EXD3: variants seen among roughly 807,000 people sequenced by gnomAD.
EXD3 encodes the protein exonuclease 3'-5' domain containing 3.
Under a neutral mutation model 98.0 loss-of-function variants are expected in EXD3, and 92 were observed. The ratio of observed to expected loss-of-function variants is 0.94; its 90% CI spans 0.79 to 1.12. The LOEUF (loss-of-function observed/expected upper bound fraction) is 1.12, where lower values mean the gene tolerates loss of function less well. Ranked by LOEUF, EXD3 falls within the 50% of genes most tolerant of loss-of-function variation. The pLI is 0.00. For missense variants in EXD3, 1,222 were observed against 1,191.6 expected, an observed-to-expected ratio of 1.03 and a Z score of -0.38; for synonymous variants, 569 against 526.0, an observed-to-expected ratio of 1.08 and a Z score of -1.12.
At chr9:137,320,878 C>T (rs1389678973) in intron 19 of EXD3, among the ~76,000 whole-genome samples, 1 of 152,228 alleles carries the variant, frequency 6.6e-6, no homozygotes, top group African/African-American at 2.4e-5. Flanking sequence ...CCAGGCGTCC[C>T]GGACATCCTG....
At chr9:137,389,306 G>A (rs1279342220) in intron 2 of EXD3, among the ~76,000 whole-genome samples, 1 of 149,560 alleles carries the variant, frequency 6.7e-6, no homozygotes, top group Admixed American at 6.7e-5. Context: ...GAGGTGAAGG[G>A]GCTCCCGGAG....
intron 1 of EXD3, among the ~76,000 whole-genome samples, chr9:137,400,228 G>A (rs1837414382): frequency 6.6e-6 from 1 of 151,976 alleles, no homozygotes; most frequent in Admixed American, 6.6e-5. Flanking sequence ...GATTTGGGTG[G>A]GGACACAGCC....
At chr9:137,353,808 AC>A in intron 10 of EXD3, 1 of 985,956 alleles carries the variant, frequency 1.0e-6, no homozygotes, top group Non-Finnish European at 1.2e-6. Flanking sequence ...ACGACCTCCC[AC>A]CCCACGGCCT....
At chr9:137,388,852 C>T (rs1007908054) in intron 2 of EXD3, among the ~76,000 whole-genome samples, 2 of 152,202 alleles carry the variant, frequency 1.3e-5, no homozygotes, top group Admixed American at 1.3e-4. Flanking sequence ...CCAGACCAGA[C>T]CCCACGCGCT....
chr9:137,353,678 G>C, intron 10 of EXD3: 1 of 985,740 alleles, frequency 1.0e-6, no homozygotes, highest in Non-Finnish European at 1.2e-6. Context: ...GCTGGGAAAT[G>C]CAGGGCCCAG....
chr9:137,341,167 A>G (rs1833638767), intron 17 of EXD3, among the ~76,000 whole-genome samples: 1 of 152,180 alleles, frequency 6.6e-6, no homozygotes, highest in Admixed American at 6.5e-5. Context: ...CATTTTAAAC[A>G]TTAGCTGGGT....
At position 137,401,479 on chromosome 9, in the gene EXD3, C is replaced by A. The variant is rs148044600; in HGVS notation, c.-47-6075G>T. ...CCCCACCCATTTCCCTTCTGCACTG[C>A]CCTAGCAGAGGTTCTCCATGAGGGC... On this transcript the variant is annotated intron_variant, in intron 1 of 21. Coordinates refer to ENST00000340951, the MANE Select transcript of EXD3 (RefSeq NM_017820.5). 8.3e-3 allele frequency among the ~76,000 whole-genome samples: 1,261 copies of A among 152,280 alleles called. 15 individuals are homozygous for A. The highest frequency in any genetic ancestry group is 0.026 in the South Asian group (125 of 4,826).
At chr9:137,358,861 T>C (rs1384114493) in intron 7 of EXD3, among the ~76,000 whole-genome samples, 2 of 151,620 alleles carry the variant, frequency 1.3e-5, no homozygotes, top group South Asian at 2.1e-4. Flanking sequence ...AATTTTTGTA[T>C]TTTTTGTAGA....
chr9:137,374,554 C>T, intron 3 of EXD3: 1 of 985,466 alleles, frequency 1.0e-6, no homozygotes, highest in Non-Finnish European at 1.2e-6. Context: ...ACAAAAGGCT[C>T]CCAGCACCTG....
rs1268522871 is a variant in EXD3 at position 137,371,194 on chromosome 9, G to A, written c.462+1711C>T. Among the ~76,000 whole-genome samples, 2 of 152,208 alleles carry A rather than the reference G, an allele frequency of 1.3e-5. No individual in the cohort carries two copies. The highest frequency in any genetic ancestry group is 2.9e-5 in the Non-Finnish European group (2 of 68,028). On this transcript the variant is annotated intron_variant, in intron 5 of 21. Coordinates refer to ENST00000340951, the MANE Select transcript of EXD3 (RefSeq NM_017820.5). The surrounding 1 kb of genome is among the most constrained non-coding windows in gnomAD (Gnocchi z 8.0). ...AAGGCTCTGTAACAGAAGACGGCCC[G>A]AAACACTAGCCTGCCTTCTGCCTCC...
intron 1 of EXD3, among the ~76,000 whole-genome samples, chr9:137,418,893 T>A (rs1588449010): frequency 6.6e-6 from 1 of 152,178 alleles, no homozygotes; most frequent in East Asian, 1.9e-4. Context: ...GTTTGGGAAA[T>A]CTCTGAATTA....
At chr9:137,409,244 C>T (rs1470486970) in intron 1 of EXD3, among the ~76,000 whole-genome samples, 1 of 152,202 alleles carries the variant, frequency 6.6e-6, no homozygotes, top group Non-Finnish European at 1.5e-5. Context: ...CATGGCTGCC[C>T]CGAGCCGCCT....
At chr9:137,348,373 G>T in intron 16 of EXD3, 135 bp from the exon 17 acceptor site, 1 of 1,099,656 alleles carries the variant, frequency 9.1e-7, no homozygotes, top group Non-Finnish European at 1.3e-6. Context: ...TGTGTGTGCT[G>T]TGCATAAAAC....
chr9:137,318,640 C>T (rs979981473), intron 19 of EXD3, among the ~76,000 whole-genome samples: 18 of 152,070 alleles, frequency 1.2e-4, no homozygotes, highest in Non-Finnish European at 2.2e-4. Flanking sequence ...CCAGAGGGCA[C>T]GGCCCTGCCC....
In EXD3 at chr9:137,331,840, C is replaced by T. The variant is rs537726393; in HGVS notation, c.1999-7697G>A. Among the ~76,000 whole-genome samples, 13 of 152,146 alleles carry T rather than the reference C, an allele frequency of 8.5e-5. 1 individual carries two copies. The highest frequency in any genetic ancestry group is 4.1e-4 in the South Asian group (2 of 4,824). On this transcript the variant is annotated intron_variant, in intron 17 of 21. Transcript: ENST00000340951. ...CTGAGGCAGGAGAATTGCTTGAACC[C>T]GGGAGGTGGATGTTGCAGTGAGCCG...
intron 1 of EXD3, among the ~76,000 whole-genome samples, chr9:137,418,345 T>C (rs58858935): frequency 0.018 from 2,800 of 152,298 alleles, 75 homozygotes; most frequent in African/African-American, 0.063. Context: ...AGCGAGACTC[T>C]GTCTCAAAAA....
rs548487236 is a variant in EXD3, at chr9:137,393,924, G to A, written c.55+1379C>T. 7.2e-5 allele frequency among the ~76,000 whole-genome samples: 11 copies of A among 152,296 alleles called. No individual in the cohort carries two copies. In the East Asian group the frequency reaches 1.9e-3, roughly 27 times the overall value. ...CACTGCTGTTTACAAGGACTGCAGG[G>A]TGAAGGATGTGAAGGGGCCCCGGCA... On this transcript the variant is annotated intron_variant, in intron 2 of 21. Transcript: ENST00000340951. The surrounding 1 kb of genome is among the most constrained non-coding windows in gnomAD (Gnocchi z 4.6).
chr9:137,347,903 C>T lies in EXD3; in HGVS notation c.1998+168G>A, dbSNP rs533338047. Among the ~76,000 whole-genome samples the T allele has an allele frequency of 5.3e-5, 8 of 152,266 alleles. No individual in the cohort carries two copies. Among genetic ancestry groups the T allele is most frequent in the African/African-American group, 1.9e-4 (8 of 41,554 alleles). ...GCTGGGACCATCTCAGCCACTTGGCCCCCAACCGCTCCATCCTTGGCCACC... is the reference window on the plus strand; with the variant it reads ...GCTGGGACCATCTCAGCCACTTGGCTCCCAACCGCTCCATCCTTGGCCACC... On this transcript the variant is annotated intron_variant, in intron 17 of 21. Coordinates refer to ENST00000340951, the MANE Select transcript of EXD3 (RefSeq NM_017820.5). This position sits in a 1 kb window ranked among gnomAD's most constrained non-coding sequence, Gnocchi z 4.2.
intron 1 of EXD3, among the ~76,000 whole-genome samples, chr9:137,398,743 C>T (rs1426463045): frequency 2.1e-5 from 3 of 144,132 alleles, no homozygotes; most frequent in East Asian, 2.1e-4. Flanking sequence ...CAGGCACCCG[C>T]GTCCCCGAGA....
Sources: allele counts gnomAD v4.1 joint callset (sites outside exome capture counted in the v4.1 genomes callset), GRCh38; gene constraint gnomAD v4.1.1; non-coding constraint Gnocchi (gnomAD v3.1); transcripts MANE v1.5; gene names NCBI Gene and HGNC (gene_info 2026-07-23, HGNC 2026-07-21).